Variants in CCDC178 observed in about 807,000 individuals in gnomAD.
CCDC178 encodes the protein coiled-coil domain-containing protein 178.
CCDC178 carries 126 observed loss-of-function variants against 117.4 expected under a neutral mutation model. The observed-to-expected ratio is 1.07, with a 90% CI of 0.93 to 1.24. The LOEUF (loss-of-function observed/expected upper bound fraction) is 1.24, where lower values mean the gene tolerates loss of function less well. CCDC178 is among the 50% of genes most tolerant of loss of function. The pLI, the probability that CCDC178 is intolerant of heterozygous loss-of-function variation, is 0.00. For synonymous variants in CCDC178, 283 were observed against 313.4 expected, an observed-to-expected ratio of 0.90 and a Z score of 1.02; for missense variants, 1,030 against 986.9, an observed-to-expected ratio of 1.04 and a Z score of -0.59.
chr18:33,034,390 A>G (rs1211445814), intron 21 of CCDC178, among the ~76,000 whole-genome samples: 3 of 152,022 alleles, frequency 2.0e-5, no homozygotes, highest in African/African-American at 4.8e-5. Flanking sequence ...CTTTTTATGT[A>G]AACTAGTAAA....
At chr18:33,062,596 T>C (rs1265879406) in intron 21 of CCDC178, among the ~76,000 whole-genome samples, 1 of 152,120 alleles carries the variant, frequency 6.6e-6, no homozygotes, top group Non-Finnish European at 1.5e-5. Context: ...CAGCAGTCTA[T>C]AGTTTCACCA....
chr18:32,966,515 T>C (rs2054816566), intron 22 of CCDC178, among the ~76,000 whole-genome samples: 1 of 151,950 alleles, frequency 6.6e-6, no homozygotes, highest in Non-Finnish European at 1.5e-5. Context: ...CATTCTTGCA[T>C]TAATGTTGTG....
chr18:33,245,194 T>C (rs2059534045), intron 15 of CCDC178, 51 bp downstream of exon 15: 2 of 1,402,536 alleles, frequency 1.4e-6, no homozygotes, highest in East Asian at 5.0e-5. Flanking sequence ...ACAATTCAGG[T>C]AAATTACTCT....
In CCDC178 at chr18:33,197,782, A is replaced by G. The variant is rs572171312; in HGVS notation, c.2238+14114T>C. 1.1e-4 allele frequency among the ~76,000 whole-genome samples: 17 copies of G among 152,328 alleles called. No homozygotes were observed. In the South Asian group the frequency reaches 3.5e-3, roughly 32 times the overall value. On this transcript the variant is annotated intron_variant, in intron 20 of 22. Transcript: ENST00000383096. ...TGCAGAGATTTGAATCAAAAGCTAA[A>G]ACTATTTCTACTAATTTTTTTTGCT...
intron 20 of CCDC178, among the ~76,000 whole-genome samples, chr18:33,149,033 A>G (rs944554693): frequency 2.0e-5 from 3 of 152,172 alleles, no homozygotes; most frequent in Non-Finnish European, 2.9e-5. Context: ...AATATTTAAG[A>G]GCTAGTTTGC....
At chr18:33,152,528 A>T (rs1459677955) in intron 20 of CCDC178, among the ~76,000 whole-genome samples, 6 of 151,990 alleles carry the variant, frequency 3.9e-5, no homozygotes, top group Non-Finnish European at 1.5e-5. Flanking sequence ...CCAAGGCTAG[A>T]CTCCAAGGAT....
chr18:32,981,846 C>T (rs1474187600), intron 21 of CCDC178, among the ~76,000 whole-genome samples: 1 of 152,096 alleles, frequency 6.6e-6, no homozygotes, highest in Non-Finnish European at 1.5e-5. Context: ...CCCACTCATA[C>T]AATTAACACA....
chr18:33,358,543 C>T (rs935469512), intron 6 of CCDC178, among the ~76,000 whole-genome samples: 25 of 151,800 alleles, frequency 1.6e-4, no homozygotes, highest in African/African-American at 6.0e-4. Flanking sequence ...TAAGAAATGA[C>T]TGGATTTGAA....
chr18:33,290,707 A>G (rs2060155771), intron 12 of CCDC178, among the ~76,000 whole-genome samples: 1 of 152,162 alleles, frequency 6.6e-6, no homozygotes, highest in South Asian at 2.1e-4. Context: ...ATTAACACCC[A>G]TTATGGAATT....
At chr18:33,291,572 A>G (rs2060166144) in intron 12 of CCDC178, among the ~76,000 whole-genome samples, 1 of 152,138 alleles carries the variant, frequency 6.6e-6, no homozygotes, top group Admixed American at 6.5e-5. Context: ...TGGCATAATA[A>G]TTTATATATT....
chr18:33,019,897 G>T (rs2056074544), intron 21 of CCDC178, among the ~76,000 whole-genome samples: 1 of 147,058 alleles, frequency 6.8e-6, no homozygotes. Context: ...TTCATTTCAT[G>T]ATCCTCTTAA....
At chr18:33,378,105 T>A (rs1261605554) in intron 5 of CCDC178, among the ~76,000 whole-genome samples, 1 of 152,238 alleles carries the variant, frequency 6.6e-6, no homozygotes. Flanking sequence ...TTTGTCTGTG[T>A]CATCTATGAT....
At chr18:33,093,889 GATA>G (rs1454854671) in intron 20 of CCDC178, among the ~76,000 whole-genome samples, 39 of 151,882 alleles carry the variant, frequency 2.6e-4, no homozygotes, top group Admixed American at 6.6e-5. Context: ...TCATGATGAC[GATA>G]ATGATGATTC....
At chr18:33,266,314 G>A (rs1218614272) in intron 14 of CCDC178, among the ~76,000 whole-genome samples, 1 of 151,892 alleles carries the variant, frequency 6.6e-6, no homozygotes, top group Non-Finnish European at 1.5e-5. Context: ...TAGTCACTTA[G>A]TAGCCAGCTC....
chr18:32,948,730 T>G (rs2054410221), intron 22 of CCDC178, among the ~76,000 whole-genome samples: 3 of 152,134 alleles, frequency 2.0e-5, no homozygotes, highest in African/African-American at 7.2e-5. Flanking sequence ...TCATATTTTA[T>G]AAACTATTCA....
At chr18:33,173,456 T>C (rs1199602699) in intron 20 of CCDC178, among the ~76,000 whole-genome samples, 2 of 152,164 alleles carry the variant, frequency 1.3e-5, no homozygotes, top group Non-Finnish European at 1.5e-5. Flanking sequence ...GTTTCAAAAC[T>C]ACAGGTGCCA....
chr18:33,238,144 A>C (rs2059447131), intron 15 of CCDC178, among the ~76,000 whole-genome samples: 1 of 152,220 alleles, frequency 6.6e-6, no homozygotes, highest in Non-Finnish European at 1.5e-5. Context: ...AGACTCATCA[A>C]CATGAATAAG....
chr18:33,383,853 G>A (rs939922054), intron 5 of CCDC178, among the ~76,000 whole-genome samples: 1 of 152,128 alleles, frequency 6.6e-6, no homozygotes, highest in Admixed American at 6.5e-5. Flanking sequence ...GAATGGGGCC[G>A]AAGCTGAGAT....
chr18:32,985,291 A>T (rs2055239554), intron 21 of CCDC178, among the ~76,000 whole-genome samples: 1 of 151,978 alleles, frequency 6.6e-6, no homozygotes, highest in African/African-American at 2.4e-5. Context: ...TTCAACTGCA[A>T]ATGTAAATAA....
Sources: allele counts gnomAD v4.1 joint callset (sites outside exome capture counted in the v4.1 genomes callset), GRCh38; gene constraint gnomAD v4.1.1; transcripts MANE v1.5; gene names NCBI Gene and HGNC (gene_info 2026-07-23, HGNC 2026-07-21).